Variants in ANKRD45 observed in about 807,000 individuals in gnomAD.
ANKRD45 encodes the protein ankyrin repeat domain-containing protein 45.
In ANKRD45, 21 loss-of-function variants were observed where a neutral mutation model predicts 28.1. The ratio of observed to expected loss-of-function variants is 0.75; its 90% CI spans 0.53 to 1.08. The LOEUF is 1.08. ANKRD45 is among the 50% of genes least tolerant of loss of function. The pLI is 0.00. For synonymous variants in ANKRD45, 86 were observed against 103.9 expected, an observed-to-expected ratio of 0.83 and a Z score of 1.05; for missense variants, 261 against 308.7, an observed-to-expected ratio of 0.85 and a Z score of 1.16.
At chr1:173,688,655 CTT>C in the ANKRD45 span, among the ~76,000 whole-genome samples, 6 of 130,544 alleles carry the variant, frequency 4.6e-5, no homozygotes, top group African/African-American at 2.5e-4. Flanking sequence ...TCCTCTCTCT[CTT>C]TCTGCCTCTT....
the ANKRD45 span, among the ~76,000 whole-genome samples, chr1:173,711,196 A>G: frequency 6.6e-6 from 1 of 152,200 alleles, no homozygotes; most frequent in Non-Finnish European, 1.5e-5. Flanking sequence ...ACTACCTCAT[A>G]CCTGTGAACC....
At chr1:173,711,689 A>G in the ANKRD45 span, among the ~76,000 whole-genome samples, 3 of 152,344 alleles carry the variant, frequency 2.0e-5, no homozygotes, top group African/African-American at 7.2e-5. Flanking sequence ...TTTCCACTAG[A>G]AATTCAGGCT....
chr1:173,639,902 A>G (rs1376811805), intron 3 of ANKRD45, among the ~76,000 whole-genome samples: 1 of 152,214 alleles, frequency 6.6e-6, no homozygotes, highest in Non-Finnish European at 1.5e-5. Flanking sequence ...AATGGAACCT[A>G]TCTCACAGCC....
In ANKRD45 at chr1:173,624,793, T is replaced by C. The variant is rs1196215091; in HGVS notation, c.724A>G (p.Thr242Ala). Residue 242 changes from threonine (T) to alanine (A), a missense_variant, in exon 5 of 6, where the codon ACA (threonine) becomes GCA (alanine). Coordinates refer to ENST00000333279, the MANE Select transcript of ANKRD45 (RefSeq NM_198493.3). ...CCTTTTATCCAAAACTTACATGGTG[T>C]AGTCATTTTTGTGAAGATAGGAGTC... ...IVTPIFTKMT[T>A]PCQVKSAKSV... 4 of 1,613,154 alleles carry C rather than the reference T, an allele frequency of 2.5e-6. No homozygotes were observed. The African/African-American group carries it at 4.0e-5, about 16-fold the overall frequency.
the ANKRD45 span, among the ~76,000 whole-genome samples, chr1:173,714,700 C>A: frequency 6.6e-6 from 1 of 152,110 alleles, no homozygotes; most frequent in Non-Finnish European, 1.5e-5. Context: ...CCTTTGCTGG[C>A]GAAAACAAAG....
At chr1:173,652,813 G>A (rs1669297489) in intron 2 of ANKRD45, among the ~76,000 whole-genome samples, 1 of 152,078 alleles carries the variant, frequency 6.6e-6, no homozygotes, top group Non-Finnish European at 1.5e-5. Flanking sequence ...CTTCTTCCTG[G>A]TTTAGTCTTG....
At chr1:173,679,859 A>G in the ANKRD45 span, among the ~76,000 whole-genome samples, 1 of 152,234 alleles carries the variant, frequency 6.6e-6, no homozygotes, top group Non-Finnish European at 1.5e-5. Flanking sequence ...AAAGCAAAAC[A>G]ACCCCATCAG....
the ANKRD45 span, among the ~76,000 whole-genome samples, chr1:173,711,648 C>T: frequency 5.3e-5 from 8 of 152,286 alleles, no homozygotes; most frequent in Admixed American, 3.3e-4. Flanking sequence ...TTTCACACAC[C>T]CAATCTAAAT....
At chr1:173,669,469 GCA>G in intron 1 of ANKRD45, 1 of 455,862 alleles carries the variant, frequency 2.2e-6, no homozygotes. Context: ...GCAACCCTGG[GCA>G]CACAGAGTTA....
At chr1:173,714,281 GATA>G in the ANKRD45 span, among the ~76,000 whole-genome samples, 1 of 152,140 alleles carries the variant, frequency 6.6e-6, no homozygotes, top group African/African-American at 2.4e-5. Flanking sequence ...TGGAGGAAAA[GATA>G]ATTTTAAAAA....
At chr1:173,707,684 G>A in the ANKRD45 span, among the ~76,000 whole-genome samples, 1 of 152,002 alleles carries the variant, frequency 6.6e-6, no homozygotes, top group South Asian at 2.1e-4. Context: ...TTATTTTTAC[G>A]CTTTCATTAT....
chr1:173,641,242 C>T (rs370303743), intron 3 of ANKRD45, among the ~76,000 whole-genome samples: 3 of 152,172 alleles, frequency 2.0e-5, no homozygotes, highest in South Asian at 2.1e-4. Context: ...TAAATAAAAG[C>T]GATTGTTACG....
At chr1:173,637,101 G>A (rs901177848) in intron 3 of ANKRD45, 1 of 1,162,764 alleles carries the variant, frequency 8.6e-7, no homozygotes, top group Middle Eastern at 2.4e-4. Context: ...TATCATCTAA[G>A]GATTAAAAAT....
At chr1:173,676,025 A>G in the ANKRD45 span, among the ~76,000 whole-genome samples, 1 of 152,226 alleles carries the variant, frequency 6.6e-6, no homozygotes, top group Non-Finnish European at 1.5e-5. Flanking sequence ...TCTGTCAGAA[A>G]GTGACATTCT....
the ANKRD45 span, among the ~76,000 whole-genome samples, chr1:173,706,737 A>G: frequency 2.6e-5 from 4 of 152,130 alleles, no homozygotes; most frequent in Non-Finnish European, 5.9e-5. Context: ...GATTCTTTCT[A>G]ATTTTTGTTA....
At chr1:173,690,065 C>G in the ANKRD45 span, among the ~76,000 whole-genome samples, 45 of 86,658 alleles carry the variant, frequency 5.2e-4, 1 homozygote, top group African/African-American at 2.2e-3. Flanking sequence ...GCCCCCCGCC[C>G]CCCCCCCCCC....
intron 3 of ANKRD45, 86 bp downstream of exon 3, chr1:173,646,758 CTG>C (rs1558134947): frequency 8.2e-6 from 11 of 1,335,132 alleles, no homozygotes; most frequent in Non-Finnish European, 1.1e-5. Flanking sequence ...AAACAAAACA[CTG>C]TGAAAAAAGG....
Position 173,659,211 on chromosome 1 carries a change from G to A in ANKRD45, c.208C>T (p.Leu70Phe). Residue 70 changes from leucine to phenylalanine, a missense_variant, in exon 2 of 6, where the codon CTC becomes TTC. Leu to Phe is a conservative substitution (Grantham distance 22, BLOSUM62 0). Coordinates refer to ENST00000333279, the MANE Select transcript of ANKRD45 (RefSeq NM_198493.3). ...NPHHEQAMQLLLEEDIVGRNL... is the reference protein window; with the variant it reads ...NPHHEQAMQLFLEEDIVGRNL... ...CTCCCAACGATGTCTTCTTCTAAGA[G>A]AAGCTGCATGGCCTGTTCATGATGA... The A allele has an allele frequency of 1.9e-6, 3 of 1,614,128 alleles. No homozygotes were observed. Among genetic ancestry groups the A allele is most frequent in the Non-Finnish European group, 2.5e-6 (3 of 1,180,016 alleles).
intron 2 of ANKRD45, among the ~76,000 whole-genome samples, chr1:173,656,325 A>T (rs1571766715): frequency 1.3e-5 from 2 of 152,160 alleles, no homozygotes; most frequent in African/African-American, 4.8e-5. Flanking sequence ...TATTTGTATC[A>T]CATTTTCTTG....
Sources: gnomAD v4.1 joint callset for allele counts (sites outside exome capture counted in the v4.1 genomes callset) on GRCh38, gnomAD v4.1.1 for gene constraint, MANE v1.5 for transcripts, NCBI Gene and HGNC (gene_info 2026-07-23, HGNC 2026-07-21) for gene names.